HHLA2: variants seen among roughly 807,000 people sequenced by gnomAD.
HHLA2 encodes the protein HHLA2 member of B7 family.
Under a neutral mutation model 45.9 loss-of-function variants are expected in HHLA2, and 48 were observed. The observed-to-expected ratio is 1.05, with a 90% CI of 0.83 to 1.33. HHLA2 has a LOEUF of 1.33. HHLA2 is among the 40% of genes most tolerant of loss of function. The pLI is 0.00. For synonymous variants in HHLA2, 161 were observed against 173.9 expected (o/e 0.93, Z 0.59); for missense variants, 462 against 494.3 (o/e 0.93, Z 0.62).
At chr3:108,353,098 G>T (rs1333227181) in intron 4 of HHLA2, among the ~76,000 whole-genome samples, 2 of 152,182 alleles carry the variant, frequency 1.3e-5, no homozygotes, top group African/African-American at 4.8e-5. Context: ...GAAATCCAAT[G>T]GAGTCTTTTA....
chr3:108,331,005 G>A (rs140883071), intron 3 of HHLA2, among the ~76,000 whole-genome samples: 1 of 152,236 alleles, frequency 6.6e-6, no homozygotes, highest in African/African-American at 2.4e-5. Context: ...GCTGTTAGAG[G>A]GACAAGGGGA....
rs575272755 is a variant in HHLA2, at chr3:108,357,993, CA to C, written c.839del (p.Asn280IlefsTer15). On this transcript the variant is annotated frameshift_variant, in exon 7 of 11. Coordinates refer to ENST00000619531, the Ensembl canonical transcript of HHLA2. LOFTEE classifies it high-confidence loss of function. Reference sequence around the variant, plus strand: ...CCTGGCTTACTATCTGAGCTCCTCACAAAATACAATTATCAATGAATCCCGA... The same window carrying C: ...CCTGGCTTACTATCTGAGCTCCTCACAAATACAATTATCAATGAATCCCGA... 3.0e-4 allele frequency: 482 copies of C among 1,613,664 alleles called. No homozygotes were observed. Among genetic ancestry groups the C allele is most frequent in the Non-Finnish European group, 3.8e-4 (453 of 1,179,732 alleles).
chr3:108,326,920 C>T (rs1051986857), intron 2 of HHLA2: 1 of 152,154 alleles, frequency 6.6e-6, no homozygotes, highest in Non-Finnish European at 1.5e-5. Flanking sequence ...GCTCTTCATC[C>T]CTTCCTGAAT....
intron 3 of HHLA2, among the ~76,000 whole-genome samples, chr3:108,337,128 G>T (rs2081486151): frequency 6.6e-6 from 1 of 152,150 alleles, no homozygotes; most frequent in Non-Finnish European, 1.5e-5. Context: ...GGTTCATGAT[G>T]AGAGAAATGC....
chr3:108,335,168 G>A (rs2081449948), intron 3 of HHLA2, among the ~76,000 whole-genome samples: 1 of 152,156 alleles, frequency 6.6e-6, no homozygotes, highest in African/African-American at 2.4e-5. Flanking sequence ...TTGAGTTTTA[G>A]ATTCTATGAT....
chr3:108,351,321 T>C (rs1213727499), intron 3 of HHLA2, among the ~76,000 whole-genome samples: 1 of 152,230 alleles, frequency 6.6e-6, no homozygotes, highest in Non-Finnish European at 1.5e-5. Flanking sequence ...CACTTAATAT[T>C]GAATTTAAAT....
chr3:108,348,562 C>A lies in HHLA2; in HGVS notation c.-26-3226C>A, dbSNP rs189411133. On this transcript the variant is annotated intron_variant, in intron 3 of 10. Coordinates refer to ENST00000619531, the Ensembl canonical transcript of HHLA2. ...ATGTTTCTAAGATGGGTGATTGGAG[C>A]TTTTATGCCTATAGAATTGATTCAG... Among the ~76,000 whole-genome samples the A allele has an allele frequency of 2.8e-4, 43 of 151,884 alleles. No homozygotes were observed. The East Asian group carries it at 7.2e-3, about 25-fold the overall frequency.
intron 2 of HHLA2, among the ~76,000 whole-genome samples, chr3:108,317,901 G>T (rs918631837): frequency 1.3e-5 from 2 of 151,930 alleles, no homozygotes; most frequent in Non-Finnish European, 2.9e-5. Flanking sequence ...AGAAAATATT[G>T]TCGGGCATGG....
chr3:108,377,137 G>A (rs1576193773), intron 10 of HHLA2, 121 bp from the exon 10 acceptor site: 2 of 655,286 alleles, frequency 3.1e-6, no homozygotes, highest in East Asian at 5.4e-5. Flanking sequence ...TCAGATGCAA[G>A]CAATAGACTA....
intron 3 of HHLA2, chr3:108,328,427 C>A: frequency 1.2e-6 from 1 of 859,296 alleles, no homozygotes; most frequent in South Asian, 1.8e-5. Context: ...GACCAGGAAA[C>A]ATTTTAATTG....
At chr3:108,317,174 C>G (rs116500244) in intron 2 of HHLA2, among the ~76,000 whole-genome samples, 1,528 of 152,308 alleles carry the variant, frequency 0.01, 20 homozygotes, top group African/African-American at 0.035. Context: ...TAGAAAGACA[C>G]TGTGGCCAGT....
At chr3:108,360,735 A>G (rs1011525404) in intron 7 of HHLA2, among the ~76,000 whole-genome samples, 1 of 152,186 alleles carries the variant, frequency 6.6e-6, no homozygotes, top group Admixed American at 6.5e-5. Flanking sequence ...AAACTTAAGA[A>G]TTATTTATTC....
At chr3:108,353,697 G>C in exon 5 of HHLA2, 2 of 1,613,662 alleles carry the variant, frequency 1.2e-6, no homozygotes, top group Non-Finnish European at 1.7e-6. Context: ...AGAAGAGTAA[G>C]CCTTCTGGAC....
chr3:108,373,802 T>C (rs1286688885), intron 8 of HHLA2, among the ~76,000 whole-genome samples: 3 of 151,250 alleles, frequency 2.0e-5, no homozygotes, highest in African/African-American at 4.8e-5. Flanking sequence ...AGGAGAACTA[T>C]AAACCACTGC....
intron 8 of HHLA2, among the ~76,000 whole-genome samples, chr3:108,363,059 T>C (rs573086766): frequency 6.6e-6 from 1 of 152,334 alleles, no homozygotes; most frequent in South Asian, 2.1e-4. Context: ...GTTGTTCAAT[T>C]AATCTTTTTC....
At chr3:108,346,854 G>A (rs1177035318) in intron 3 of HHLA2, among the ~76,000 whole-genome samples, 4 of 152,204 alleles carry the variant, frequency 2.6e-5, no homozygotes, top group South Asian at 2.1e-4. Context: ...GAGCTATTAA[G>A]ATGGGTATGG....
intron 2 of HHLA2, among the ~76,000 whole-genome samples, chr3:108,318,657 A>G (rs2081144605): frequency 6.6e-6 from 1 of 152,222 alleles, no homozygotes; most frequent in South Asian, 2.1e-4. Context: ...GAGAAGAAAA[A>G]AAAATCACAA....
intron 8 of HHLA2, among the ~76,000 whole-genome samples, chr3:108,368,573 A>G (rs1178828938): frequency 2.4e-5 from 3 of 124,110 alleles, no homozygotes; most frequent in Non-Finnish European, 4.9e-5. Flanking sequence ...AAAAAAAAGC[A>G]GGGGTTGCAA....
intron 1 of HHLA2, among the ~76,000 whole-genome samples, chr3:108,300,427 G>A (rs749639846): frequency 1.3e-5 from 2 of 152,282 alleles, no homozygotes; most frequent in African/African-American, 2.4e-5. Flanking sequence ...GCTCTTAGAC[G>A]AAACCAGTTA....
Sources: gnomAD v4.1 joint callset for allele counts (sites outside exome capture counted in the v4.1 genomes callset) on GRCh38, gnomAD v4.1.1 for gene constraint, MANE v1.5 for transcripts, NCBI Gene and HGNC (gene_info 2026-07-23, HGNC 2026-07-21) for gene names.